Variants in SHB observed in about 807,000 individuals in gnomAD.
The protein encoded by SHB is SH2 domain-containing adapter protein B.
A neutral mutation model predicts 52.3 loss-of-function variants in SHB; 20 were observed. The ratio of observed to expected loss-of-function variants is 0.38; its 90% CI spans 0.27 to 0.56. SHB has a LOEUF of 0.56. SHB is among the 20% of genes least tolerant of loss of function. The probability of loss-of-function intolerance (pLI) is 0.71; values close to 1 mark genes in which losing one functional copy is unlikely to be tolerated. For missense variants in SHB, 825 were observed against 723.3 expected (o/e 1.14, Z -1.61); for synonymous variants, 397 against 316.5 (o/e 1.25, Z -2.70).
At chr9:37,987,111 C>T (rs1373895982) in intron 2 of SHB, among the ~76,000 whole-genome samples, 1 of 152,258 alleles carries the variant, frequency 6.6e-6, no homozygotes, top group Non-Finnish European at 1.5e-5. Flanking sequence ...CAGAACCTCA[C>T]AGAGCGAACC....
At chr9:38,038,140 C>T (rs963879320) in intron 1 of SHB, among the ~76,000 whole-genome samples, 4 of 152,204 alleles carry the variant, frequency 2.6e-5, no homozygotes, top group Non-Finnish European at 5.9e-5. Flanking sequence ...CCCCATCCTA[C>T]GCCCCATGCA....
intron 1 of SHB, among the ~76,000 whole-genome samples, chr9:38,030,503 A>G (rs368537031): frequency 6.6e-6 from 1 of 152,186 alleles, no homozygotes; most frequent in African/African-American, 2.4e-5. Context: ...GGCCGGGCCC[A>G]ATGCACTTTA....
intron 1 of SHB, among the ~76,000 whole-genome samples, chr9:38,032,611 C>T (rs9696489): frequency 0.11 from 16,961 of 152,218 alleles, 1,896 homozygotes; most frequent in African/African-American, 0.28. Flanking sequence ...CTGCCCTGCC[C>T]GGGCCACACC....
At chr9:38,043,562 G>A (rs1821607906) in intron 1 of SHB, among the ~76,000 whole-genome samples, 1 of 152,140 alleles carries the variant, frequency 6.6e-6, no homozygotes, top group Non-Finnish European at 1.5e-5. Flanking sequence ...AGGTATCGAG[G>A]GTCAGTGGGG....
intron 1 of SHB, among the ~76,000 whole-genome samples, chr9:38,029,639 C>T (rs146086880): frequency 1.3e-5 from 2 of 152,158 alleles, no homozygotes; most frequent in Admixed American, 1.3e-4. Flanking sequence ...TACAGGCACA[C>T]GCCACCACGT....
intron 1 of SHB, 75 bp downstream of exon 1, chr9:38,067,854 G>A (rs1415263765): frequency 1.4e-5 from 20 of 1,381,812 alleles, no homozygotes; most frequent in Non-Finnish European, 1.8e-5. Context: ...CTCAACACCA[G>A]AGCGGCGGGT....
At chr9:38,005,604 A>T (rs1449267989) in intron 2 of SHB, among the ~76,000 whole-genome samples, 1 of 152,178 alleles carries the variant, frequency 6.6e-6, no homozygotes, top group Non-Finnish European at 1.5e-5. Flanking sequence ...AATGGAAATC[A>T]TCTCATCTGC....
chr9:38,002,813 C>T (rs1244027654), intron 2 of SHB, among the ~76,000 whole-genome samples: 2 of 152,194 alleles, frequency 1.3e-5, no homozygotes, highest in Admixed American at 1.3e-4. Flanking sequence ...CCTGCAGACT[C>T]CAGGACCCTG....
rs143616536 is a variant in SHB, at chr9:38,011,882, C to T, written c.838+4129G>A. ...CATAGAGCTGTAGGGTTTAAGGAGA[C>T]ACCCCCAGAGATGCTGCTGGGGTGA... On this transcript the variant is annotated intron_variant, in intron 2 of 5. Coordinates refer to ENST00000377707, the MANE Select transcript of SHB (RefSeq NM_003028.3). Among the ~76,000 whole-genome samples the T allele has an allele frequency of 1.6e-3, 239 of 152,276 alleles. 1 individual carries two copies. Among genetic ancestry groups the T allele is most frequent in the African/African-American group, 5.4e-3 (226 of 41,550 alleles).
intron 2 of SHB, among the ~76,000 whole-genome samples, chr9:37,988,348 G>C (rs1316706803): frequency 6.6e-6 from 1 of 152,190 alleles, no homozygotes; most frequent in African/African-American, 2.4e-5. Context: ...GGTTGAACCA[G>C]ATGATCTCAG....
chr9:38,064,134 T>A (rs1184198551), intron 1 of SHB, among the ~76,000 whole-genome samples: 3 of 151,988 alleles, frequency 2.0e-5, no homozygotes, highest in Non-Finnish European at 4.4e-5. Context: ...AGGAATACTG[T>A]GTCTACCTAT....
At chr9:38,042,966 C>T (rs1451542817) in intron 1 of SHB, among the ~76,000 whole-genome samples, 1 of 152,156 alleles carries the variant, frequency 6.6e-6, no homozygotes, top group African/African-American at 2.4e-5. Flanking sequence ...CCGCCCACAA[C>T]CCCACCTGTT....
chr9:38,050,014 C>T (rs567589175), intron 1 of SHB, among the ~76,000 whole-genome samples: 10 of 152,320 alleles, frequency 6.6e-5, no homozygotes, highest in African/African-American at 2.2e-4. Flanking sequence ...TGGTCTCGAA[C>T]TCCTGACCTC....
intron 2 of SHB, among the ~76,000 whole-genome samples, chr9:37,989,513 C>T (rs1181244913): frequency 2.0e-5 from 3 of 152,308 alleles, no homozygotes; most frequent in East Asian, 1.9e-4. Flanking sequence ...GCAAGACTCC[C>T]TCCTTCCATA....
intron 1 of SHB, among the ~76,000 whole-genome samples, chr9:38,045,749 C>T (rs969414824): frequency 6.6e-6 from 1 of 152,132 alleles, no homozygotes; most frequent in Non-Finnish European, 1.5e-5. Flanking sequence ...TTTAAAAAGA[C>T]GTATGTTTTT....
chr9:37,956,279 C>T (rs2117914763), intron 3 of SHB, among the ~76,000 whole-genome samples: 1 of 152,300 alleles, frequency 6.6e-6, no homozygotes, highest in Admixed American at 6.5e-5. Flanking sequence ...GCTGAGCCTC[C>T]AGAGGCCACT....
rs1385148309 is a variant in SHB, at chr9:37,989,357, C to T, written c.839-14520G>A. Among the ~76,000 whole-genome samples, 3 of 152,284 alleles carry T rather than the reference C, an allele frequency of 2.0e-5. No individual in the cohort carries two copies. The East Asian group carries it at 5.8e-4, about 29-fold the overall frequency. On this transcript the variant is annotated intron_variant, in intron 2 of 5. Transcript: ENST00000377707. ...CGAGGCATGCAGCCAAATAGCAGTT[C>T]CCTAAGAGGACCTGCAATTCTTCCT... is the stretch of plus-strand genomic sequence containing the variant.
At chr9:37,980,281 G>A (rs1820709112) in intron 2 of SHB, among the ~76,000 whole-genome samples, 1 of 152,198 alleles carries the variant, frequency 6.6e-6, no homozygotes, top group Admixed American at 6.5e-5. Flanking sequence ...CATCAACTAA[G>A]TTTATGTACT....
At chr9:38,067,852 C>T in intron 1 of SHB, 77 bp downstream of exon 1, 1 of 1,378,888 alleles carries the variant, frequency 7.3e-7, no homozygotes, top group Non-Finnish European at 9.4e-7. Context: ...GACTCAACAC[C>T]AGAGCGGCGG....
Sources: allele counts gnomAD v4.1 joint callset (sites outside exome capture counted in the v4.1 genomes callset), GRCh38; gene constraint gnomAD v4.1.1; transcripts MANE v1.5; gene names NCBI Gene and HGNC (gene_info 2026-07-23, HGNC 2026-07-21).